CELF2: variants seen among roughly 807,000 people sequenced by gnomAD.
The protein encoded by CELF2 is CUG triplet repeat RNA-binding protein 2.
A neutral mutation model predicts 62.6 loss-of-function variants in CELF2; 8 were observed. The observed-to-expected ratio is 0.13, with a 90% CI of 0.07 to 0.23. The LOEUF is 0.23. Among genes scored for constraint, CELF2 ranks in the 10% least tolerant of loss-of-function variants. The probability of loss-of-function intolerance (pLI) is 1.00; values close to 1 mark genes in which losing one functional copy is unlikely to be tolerated. For synonymous variants in CELF2, 258 were observed against 250.0 expected (o/e 1.03, Z -0.30); for missense variants, 333 against 671.0 (o/e 0.50, Z 5.56).
At chr10:11,210,203 A>G (rs1481467184) in intron 2 of CELF2, among the ~76,000 whole-genome samples, 2 of 152,226 alleles carry the variant, frequency 1.3e-5, no homozygotes, top group Non-Finnish European at 2.9e-5. Flanking sequence ...TGTTTAATAA[A>G]AAAAAGAAAA....
the CELF2 span, among the ~76,000 whole-genome samples, chr10:10,658,843 C>T: frequency 1.3e-5 from 2 of 151,740 alleles, no homozygotes; most frequent in African/African-American, 2.4e-5. Flanking sequence ...GTTTTTAGAC[C>T]GTGGACATCT....
chr10:10,904,774 A>G (rs2063205689), intron 1 of CELF2, among the ~76,000 whole-genome samples: 1 of 152,182 alleles, frequency 6.6e-6, no homozygotes, highest in East Asian at 1.9e-4. Flanking sequence ...CCCTTGATAA[A>G]TACCATTTTA....
the CELF2 span, among the ~76,000 whole-genome samples, chr10:10,618,789 G>A: frequency 1.3e-5 from 2 of 152,086 alleles, no homozygotes; most frequent in Non-Finnish European, 2.9e-5. Flanking sequence ...TGATAGGCAA[G>A]AGAAAGAGAA....
At chr10:10,651,916 A>G in the CELF2 span, among the ~76,000 whole-genome samples, 3 of 150,972 alleles carry the variant, frequency 2.0e-5, no homozygotes, top group South Asian at 4.3e-4. Context: ...AGATGATCAA[A>G]TTACTCTGAG....
intron 1 of CELF2, among the ~76,000 whole-genome samples, chr10:10,799,771 C>A (rs987943077): frequency 6.6e-6 from 1 of 152,220 alleles, no homozygotes. Context: ...TGCATCCTGT[C>A]TAAGCTGACT....
At chr10:10,924,719 G>A (rs1218881862) in intron 2 of CELF2, among the ~76,000 whole-genome samples, 2 of 69,300 alleles carry the variant, frequency 2.9e-5, no homozygotes, top group African/African-American at 1.3e-4. Context: ...CCAGTAACTT[G>A]ATCGCTTTTT....
upstream of CELF2, among the ~76,000 whole-genome samples, chr10:10,794,183 G>A (rs1370603593): frequency 2.0e-5 from 3 of 152,154 alleles, no homozygotes; most frequent in Non-Finnish European, 4.4e-5. Flanking sequence ...AGCAAGTGCT[G>A]GGGTTTTTTA....
At chr10:10,643,637 A>G in the CELF2 span, among the ~76,000 whole-genome samples, 2 of 152,190 alleles carry the variant, frequency 1.3e-5, no homozygotes, top group South Asian at 4.1e-4. Context: ...CTGATTCTTT[A>G]GTCTAACACT....
At chr10:11,213,704 AC>A (rs921601968) in intron 2 of CELF2, among the ~76,000 whole-genome samples, 2 of 152,224 alleles carry the variant, frequency 1.3e-5, no homozygotes, top group African/African-American at 2.4e-5. Context: ...CTGGAAAGGT[AC>A]ACACTACAGT....
intron 1 of CELF2, among the ~76,000 whole-genome samples, chr10:11,163,573 A>C (rs2066231175): frequency 1.3e-5 from 2 of 152,264 alleles, no homozygotes; most frequent in African/African-American, 4.8e-5. Flanking sequence ...GGATTACATT[A>C]CACCAAAATT....
chr10:10,488,069 G>A, the CELF2 span, among the ~76,000 whole-genome samples: 1 of 152,102 alleles, frequency 6.6e-6, no homozygotes, highest in Non-Finnish European at 1.5e-5. Flanking sequence ...AGTCCCCAAA[G>A]TGAAAATAAA....
At chr10:11,323,637 G>A (rs896849181) in intron 11 of CELF2, among the ~76,000 whole-genome samples, 9 of 152,058 alleles carry the variant, frequency 5.9e-5, no homozygotes, top group African/African-American at 7.2e-5. Context: ...TCCTACAAAC[G>A]TCCCCAGTTC....
At chr10:10,939,872 T>A (rs993867229) in intron 2 of CELF2, among the ~76,000 whole-genome samples, 2 of 151,924 alleles carry the variant, frequency 1.3e-5, no homozygotes, top group African/African-American at 2.4e-5. Context: ...GAGAATGGTG[T>A]GATACTAGGA....
In CELF2 at chr10:11,330,362, T is replaced by G. The variant is rs1398741169; in HGVS notation, c.*1309T>G. 1.3e-5 allele frequency: 2 copies of G among 152,600 alleles called. No individual in the cohort carries two copies. The highest frequency in any genetic ancestry group is 4.8e-5 in the African/African-American group (2 of 41,436). The allele number at this position is 152,600 out of a possible 1,614,324, so 9.5% of individuals were successfully genotyped here. ...CGGAGACTCCCTAATGACCTAAGAT[T>G]TGCATTAGTTTTTCTCCTGCACCCT... On this transcript the variant is annotated 3_prime_UTR_variant, in exon 13 of 13. Transcript: ENST00000633077. This position sits in a 1 kb window ranked among gnomAD's most constrained non-coding sequence, Gnocchi z 4.5.
the CELF2 span, among the ~76,000 whole-genome samples, chr10:10,546,042 T>C: frequency 2.0e-5 from 3 of 152,106 alleles, no homozygotes; most frequent in Non-Finnish European, 4.4e-5. Context: ...CCTCAGGATA[T>C]AGGACGACGC....
chr10:10,529,543 G>A, the CELF2 span, among the ~76,000 whole-genome samples: 1 of 151,976 alleles, frequency 6.6e-6, no homozygotes, highest in African/African-American at 2.4e-5. Context: ...AATTAGGTGG[G>A]TGTGGTGGTG....
chr10:10,765,758 A>G, the CELF2 span, among the ~76,000 whole-genome samples: 4 of 152,320 alleles, frequency 2.6e-5, no homozygotes, highest in South Asian at 4.1e-4. Flanking sequence ...TCCATTGCTT[A>G]TCTGAAGGGC....
chr10:10,767,234 C>G, the CELF2 span, among the ~76,000 whole-genome samples: 2 of 151,562 alleles, frequency 1.3e-5, no homozygotes, highest in African/African-American at 4.9e-5. Flanking sequence ...CCACCACCAC[C>G]GACACCACCA....
At chr10:11,143,715 C>T (rs374206744) in intron 1 of CELF2, among the ~76,000 whole-genome samples, 99 of 152,336 alleles carry the variant, frequency 6.5e-4, no homozygotes, top group African/African-American at 2.2e-3. Context: ...CCAAAGGCAC[C>T]AGTCTTAGTA....
Sources: allele counts gnomAD v4.1 joint callset (sites outside exome capture counted in the v4.1 genomes callset), GRCh38; gene constraint gnomAD v4.1.1; non-coding constraint Gnocchi (gnomAD v3.1); transcripts MANE v1.5; gene names NCBI Gene and HGNC (gene_info 2026-07-23, HGNC 2026-07-21).